Variants in CSMD1 observed in about 807,000 individuals in gnomAD.
The protein encoded by CSMD1 is CUB and Sushi multiple domains 1.
Under a neutral mutation model 417.5 loss-of-function variants are expected in CSMD1, and 213 were observed. The ratio of observed to expected loss-of-function variants is 0.51; its 90% confidence interval spans 0.46 to 0.57. The LOEUF (loss-of-function observed/expected upper bound fraction) is 0.57, where lower values mean the gene tolerates loss of function less well. CSMD1 is among the 20% of genes least tolerant of loss of function. The pLI is 0.00. For missense variants in CSMD1, 6,923 were observed against 4,529.7 expected (o/e 1.53, Z -15.17); for synonymous variants, 2,862 against 1,736.8 (o/e 1.65, Z -16.11).
chr8:3,765,195 T>G (rs568489083), intron 5 of CSMD1, among the ~76,000 whole-genome samples: 1 of 152,216 alleles, frequency 6.6e-6, no homozygotes, highest in Non-Finnish European at 1.5e-5. Flanking sequence ...CCTTGTGTTC[T>G]GCCCATGTGG....
intron 11 of CSMD1, among the ~76,000 whole-genome samples, chr8:3,490,868 G>GA (rs151289632): frequency 3.3e-5 from 5 of 151,850 alleles, no homozygotes; most frequent in African/African-American, 9.7e-5. Flanking sequence ...AAAATAAAAA[G>GA]AAAAAAATTT....
At chr8:3,294,428 C>G (rs1224017578) in intron 25 of CSMD1, among the ~76,000 whole-genome samples, 1 of 152,164 alleles carries the variant, frequency 6.6e-6, no homozygotes. Context: ...GAGGTGGAGT[C>G]TACAGAGGCA....
At chr8:3,750,768 C>G (rs1251033580) in intron 6 of CSMD1, among the ~76,000 whole-genome samples, 1 of 152,102 alleles carries the variant, frequency 6.6e-6, no homozygotes, top group East Asian at 1.9e-4. Flanking sequence ...CTGGCAGGGA[C>G]TCTGAGAAGG....
At position 4,299,778 on chromosome 8, in the gene CSMD1, G is replaced by A. The variant is rs572724065; in HGVS notation, c.415+120175C>T. On this transcript the variant is annotated intron_variant, in intron 3 of 69. Coordinates refer to ENST00000635120, the MANE Select transcript of CSMD1 (RefSeq NM_033225.6). ...CCCGAGTAGCTGAGATTACAGGTAC[G>A]TGCCACCACGCCCGCCTAATTTTTG... is the stretch of plus-strand genomic sequence containing the variant. 2.4e-4 allele frequency among the ~76,000 whole-genome samples: 36 copies of A among 151,954 alleles called. No homozygotes were observed. The South Asian group carries it at 3.7e-3, about 16-fold the overall frequency.
At chr8:3,570,564 G>T (rs113212790) in intron 10 of CSMD1, among the ~76,000 whole-genome samples, 1 of 3,498 alleles carries the variant, frequency 2.9e-4, no homozygotes, top group East Asian at 1.0e-3. Flanking sequence ...CTCTAGAGAG[G>T]GGGCAGGAAA....
intron 2 of CSMD1, among the ~76,000 whole-genome samples, chr8:4,421,633 C>T (rs1328596747): frequency 6.6e-6 from 1 of 151,864 alleles, no homozygotes; most frequent in East Asian, 1.9e-4. Flanking sequence ...TACAGATAAA[C>T]TGAATGAAAA....
intron 5 of CSMD1, among the ~76,000 whole-genome samples, chr8:3,777,457 T>G (rs560956282): frequency 2.6e-4 from 40 of 152,278 alleles, no homozygotes; most frequent in African/African-American, 9.6e-4. Context: ...AAGGGAGCAG[T>G]GCTCATTCTG....
chr8:4,898,363 T>C (rs558183879), intron 1 of CSMD1, among the ~76,000 whole-genome samples: 52 of 151,292 alleles, frequency 3.4e-4, no homozygotes, highest in Admixed American at 2.8e-3. Flanking sequence ...AATTTCTGTG[T>C]CACACCTGCC....
At chr8:3,002,383 GAGAGCCAGA>G (rs1381652945) in intron 52 of CSMD1, among the ~76,000 whole-genome samples, 3 of 152,174 alleles carry the variant, frequency 2.0e-5, no homozygotes, top group Non-Finnish European at 4.4e-5. Flanking sequence ...GAGGACTGGT[GAGAGCCAGA>G]AGAGCCCATC....
intron 3 of CSMD1, among the ~76,000 whole-genome samples, chr8:4,414,080 A>G (rs1275553244): frequency 1.3e-5 from 2 of 152,202 alleles, no homozygotes; most frequent in Admixed American, 1.3e-4. Context: ...TGCATGCTCC[A>G]TGCTTTAATT....
At chr8:3,618,516 C>T (rs1412128890) in intron 7 of CSMD1, among the ~76,000 whole-genome samples, 1 of 151,610 alleles carries the variant, frequency 6.6e-6, no homozygotes, top group Non-Finnish European at 1.5e-5. Flanking sequence ...CATGATGTGA[C>T]AATTATATTG....
rs187042882 is a variant in CSMD1 at position 3,273,248 on chromosome 8, A to T, written c.4153+10896T>A. Among the ~76,000 whole-genome samples the T allele has an allele frequency of 1.3e-4, 20 of 151,702 alleles. No homozygotes were observed. In the East Asian group the frequency reaches 3.9e-3, roughly 29 times the overall value. ...CTGGATTACATTTATAGATTTGCGT[A>T]TATTGAACTAGCCTTGCATCCCAGG... On this transcript the variant is annotated intron_variant, in intron 26 of 69. Coordinates refer to ENST00000635120, the MANE Select transcript of CSMD1 (RefSeq NM_033225.6).
intron 1 of CSMD1, among the ~76,000 whole-genome samples, chr8:4,843,053 G>A (rs1437546512): frequency 2.6e-5 from 4 of 152,130 alleles, no homozygotes; most frequent in Non-Finnish European, 5.9e-5. Flanking sequence ...AATAAGAGAT[G>A]CTAATTTACT....
chr8:4,309,740 C>G (rs1798453218), intron 3 of CSMD1, among the ~76,000 whole-genome samples: 1 of 152,082 alleles, frequency 6.6e-6, no homozygotes, highest in Non-Finnish European at 1.5e-5. Flanking sequence ...AATAACCTAT[C>G]ACAGTCTATT....
intron 3 of CSMD1, among the ~76,000 whole-genome samples, chr8:4,352,995 A>G (rs1053788695): frequency 6.6e-6 from 1 of 152,246 alleles, no homozygotes; most frequent in Non-Finnish European, 1.5e-5. Flanking sequence ...CAACATTAAA[A>G]TGACTAATTA....
At chr8:4,468,060 G>A (rs532216355) in intron 2 of CSMD1, among the ~76,000 whole-genome samples, 16 of 121,154 alleles carry the variant, frequency 1.3e-4, no homozygotes, top group Admixed American at 1.1e-3. Context: ...CCTCCTGTCC[G>A]TCCCTGTCTT....
chr8:3,130,244 C>T (rs1817723485), intron 41 of CSMD1, among the ~76,000 whole-genome samples: 2 of 152,096 alleles, frequency 1.3e-5, no homozygotes, highest in African/African-American at 4.8e-5. Flanking sequence ...ATGTAGTTCA[C>T]TAGGAATGGG....
intron 3 of CSMD1, among the ~76,000 whole-genome samples, chr8:4,342,921 A>G (rs1290454755): frequency 3.3e-5 from 5 of 152,028 alleles, no homozygotes; most frequent in Non-Finnish European, 7.4e-5. Context: ...GAATTCCAAG[A>G]TATGCTGCAC....
intron 3 of CSMD1, among the ~76,000 whole-genome samples, chr8:4,270,776 C>T (rs968442758): frequency 6.6e-6 from 1 of 152,178 alleles, no homozygotes; most frequent in Non-Finnish European, 1.5e-5. Flanking sequence ...CGGCACCCCC[C>T]AGGGGGCTGT....
Sources: gnomAD v4.1 joint callset for allele counts (sites outside exome capture counted in the v4.1 genomes callset) on GRCh38, gnomAD v4.1.1 for gene constraint, MANE v1.5 for transcripts, NCBI Gene and HGNC (gene_info 2026-07-23, HGNC 2026-07-21) for gene names.